The following CCDC171 variants were observed in gnomAD, a reference collection of about 807,000 sequenced individuals.
CCDC171 encodes coiled-coil domain containing 171.
A neutral mutation model predicts 168.2 loss-of-function variants in CCDC171; 177 were observed. The ratio of observed to expected loss-of-function variants is 1.05; its 90% CI spans 0.93 to 1.19. CCDC171 has a LOEUF of 1.19. CCDC171 is among the 50% of genes most tolerant of loss of function. CCDC171 has a pLI of 0.00. For synonymous variants in CCDC171, 687 were observed against 540.8 expected (o/e 1.27, Z -3.75); for missense variants, 1,991 against 1,539.0 (o/e 1.29, Z -4.91).
At chr9:15,625,992 A>G (rs939405087) in intron 7 of CCDC171, among the ~76,000 whole-genome samples, 1 of 152,030 alleles carries the variant, frequency 6.6e-6, no homozygotes, top group Non-Finnish European at 1.5e-5. Flanking sequence ...CTTTCATTTC[A>G]TTGAGCAGTG....
intron 18 of CCDC171, among the ~76,000 whole-genome samples, chr9:15,771,908 C>T (rs531519469): frequency 1.3e-5 from 2 of 152,306 alleles, no homozygotes; most frequent in East Asian, 3.9e-4. Flanking sequence ...TCTCAGTTCA[C>T]TGCAACCTCT....
At chr9:15,762,281 T>C (rs2056489326) in intron 18 of CCDC171, among the ~76,000 whole-genome samples, 1 of 151,712 alleles carries the variant, frequency 6.6e-6, no homozygotes, top group African/African-American at 2.4e-5. Flanking sequence ...TGTACTAAAA[T>C]ATTACAGATA....
At chr9:15,561,756 A>G (rs1184853150) in intron 1 of CCDC171, among the ~76,000 whole-genome samples, 1 of 152,074 alleles carries the variant, frequency 6.6e-6, no homozygotes, top group Non-Finnish European at 1.5e-5. Flanking sequence ...TCTTCCTAAA[A>G]CACACAGAGA....
intron 11 of CCDC171, among the ~76,000 whole-genome samples, chr9:15,697,970 C>A (rs1323243608): frequency 6.6e-6 from 1 of 152,100 alleles, no homozygotes; most frequent in African/African-American, 2.4e-5. Context: ...ATTTAAGATA[C>A]CAGTCACCTT....
intron 25 of CCDC171, among the ~76,000 whole-genome samples, chr9:15,944,063 G>A (rs1828022819): frequency 6.6e-6 from 1 of 151,876 alleles, no homozygotes; most frequent in African/African-American, 2.4e-5. Flanking sequence ...TAATGTTGAT[G>A]TTTTTATTTC....
downstream of CCDC171, among the ~76,000 whole-genome samples, chr9:16,063,193 A>C (rs9298745): frequency 0.29 from 43,933 of 152,034 alleles, 6,443 homozygotes; most frequent in Admixed American, 0.31. Context: ...GTGATTCCTA[A>C]GCATTTAAGG....
intron 8 of CCDC171, among the ~76,000 whole-genome samples, chr9:15,664,849 C>T (rs1038726018): frequency 1.3e-5 from 2 of 151,720 alleles, no homozygotes; most frequent in African/African-American, 2.4e-5. Context: ...CAGGCACGCA[C>T]CACCACGCCT....
At chr9:15,750,420 A>G (rs1158980178) in intron 18 of CCDC171, among the ~76,000 whole-genome samples, 1 of 152,190 alleles carries the variant, frequency 6.6e-6, no homozygotes, top group Non-Finnish European at 1.5e-5. Context: ...TTCCTTCTGA[A>G]ACTACCCAAT....
At chr9:15,752,527 A>G (rs542730742) in intron 18 of CCDC171, among the ~76,000 whole-genome samples, 1 of 152,320 alleles carries the variant, frequency 6.6e-6, no homozygotes, top group South Asian at 2.1e-4. Context: ...GATAAAGAAA[A>G]TGTGGCATAT....
intron 6 of CCDC171, among the ~76,000 whole-genome samples, chr9:15,612,261 T>C (rs1487842727): frequency 6.6e-6 from 1 of 152,244 alleles, no homozygotes; most frequent in Admixed American, 6.5e-5. Flanking sequence ...ACTAGGCTTC[T>C]CTTTTTTTCC....
At chr9:16,107,176 G>A in the CCDC171 span, among the ~76,000 whole-genome samples, 6 of 152,008 alleles carry the variant, frequency 3.9e-5, no homozygotes, top group East Asian at 5.8e-4. Context: ...TAGAGACAAG[G>A]CCTCGCTCTG....
intron 1 of CCDC171, among the ~76,000 whole-genome samples, chr9:15,560,402 A>T (rs1339412049): frequency 6.6e-6 from 1 of 151,948 alleles, no homozygotes. Context: ...ATAGTCCTGT[A>T]TTTCTTGGAG....
downstream of CCDC171, among the ~76,000 whole-genome samples, chr9:15,975,394 G>A (rs1831590397): frequency 6.6e-6 from 1 of 152,042 alleles, no homozygotes; most frequent in Admixed American, 6.6e-5. Flanking sequence ...TTTTTTAATT[G>A]TCCTGACCAG....
chr9:15,988,028 G>A (rs1285063899), intron 3 of CCDC171, among the ~76,000 whole-genome samples: 1 of 152,160 alleles, frequency 6.6e-6, no homozygotes, highest in East Asian at 1.9e-4. Flanking sequence ...GAATTTATAT[G>A]CCAGCAGTAA....
chr9:15,770,717 T>C (rs549215280), intron 18 of CCDC171, among the ~76,000 whole-genome samples: 34 of 152,334 alleles, frequency 2.2e-4, no homozygotes, highest in Admixed American at 7.2e-4. Flanking sequence ...GTTTAATGAA[T>C]GAGTAAGGTA....
In CCDC171 at chr9:15,729,603, C is replaced by A; in HGVS notation, c.1861-7C>A. On this transcript the variant is annotated splice_polypyrimidine_tract_variant and splice_region_variant and intron_variant, in intron 15 of 25. Transcript: ENST00000380701. Reference sequence around the variant, plus strand: ...TATTTCCTTCTCTGTTGCATCTCCCCGTATAGATAAGGCATCTAGAGTATA... The same window carrying A: ...TATTTCCTTCTCTGTTGCATCTCCCAGTATAGATAAGGCATCTAGAGTATA... The A allele has an allele frequency of 6.3e-7, 1 of 1,589,424 alleles. No individual in the cohort carries two copies. Among genetic ancestry groups the A allele is most frequent in the Non-Finnish European group, 8.6e-7 (1 of 1,163,808 alleles).
intron 18 of CCDC171, among the ~76,000 whole-genome samples, chr9:15,766,122 GAC>G (rs986003861): frequency 3.9e-5 from 6 of 152,092 alleles, no homozygotes; most frequent in African/African-American, 1.4e-4. Context: ...CCTCAGCTAT[GAC>G]ACAAACCCAT....
rs1302953876 is a variant in CCDC171 at position 16,031,775 on chromosome 9, A to G, written n.999-3682A>G. Among the ~76,000 whole-genome samples the G allele has an allele frequency of 1.3e-5, 2 of 152,072 alleles. 1 individual carries two copies. The highest frequency in any genetic ancestry group is 2.9e-5 in the Non-Finnish European group (2 of 68,004). On this transcript the variant is annotated intron_variant and non_coding_transcript_variant, in intron 6 of 9. Transcript: ENST00000486641. The stretch of plus-strand genomic sequence containing the variant: ...TGGCTGCCAAACAGGGCCATTTTTG[A>G]TGAGGCTCAACTAGGGGGAACATGT...
intron 21 of CCDC171, among the ~76,000 whole-genome samples, chr9:15,836,187 G>A (rs1346750094): frequency 6.6e-6 from 1 of 152,010 alleles, no homozygotes; most frequent in Non-Finnish European, 1.5e-5. Context: ...CTCCTATGTT[G>A]CAGTGACAAA....
Sources: allele counts gnomAD v4.1 joint callset (sites outside exome capture counted in the v4.1 genomes callset), GRCh38; gene constraint gnomAD v4.1.1; transcripts MANE v1.5; gene names NCBI Gene and HGNC (gene_info 2026-07-23, HGNC 2026-07-21).